Variants in TECPR2 observed in about 807,000 individuals in gnomAD.
TECPR2 encodes tectonin beta-propeller repeat-containing protein 2.
A neutral mutation model predicts 138.1 loss-of-function variants in TECPR2; 65 were observed. That is an observed-to-expected ratio of 0.47 (90% confidence interval 0.39 to 0.58). The LOEUF (loss-of-function observed/expected upper bound fraction) is 0.58, where lower values mean the gene tolerates loss of function less well. Ranked by LOEUF, TECPR2 falls within the 20% of genes least tolerant of loss-of-function variation. The pLI is 0.00. For missense variants in TECPR2, 1,553 were observed against 1,824.5 expected (o/e 0.85, Z 2.71); for synonymous variants, 746 against 749.8 (o/e 0.99, Z 0.08).
intron 1 of TECPR2, among the ~76,000 whole-genome samples, chr14:102,370,962 GGT>G (rs1473124841): frequency 6.6e-6 from 1 of 152,190 alleles, no homozygotes; most frequent in Admixed American, 6.5e-5. Flanking sequence ...ATACAAGATA[GGT>G]AAGTGTCTTT....
At position 102,381,552 on chromosome 14, in the gene TECPR2, C is replaced by T. The variant is rs28691003; in HGVS notation, c.219+4612C>T. On this transcript the variant is annotated intron_variant, in intron 2 of 19. Coordinates refer to ENST00000359520, the MANE Select transcript of TECPR2 (RefSeq NM_014844.5). ...TCGTGCCAGTGCACTCCAGCCTAGG[C>T]GACAGAGTGAGACTCCATCTGAAAA... Among the ~76,000 whole-genome samples, 912 of 152,172 alleles carry T rather than the reference C, an allele frequency of 6.0e-3. 10 individuals are homozygous for T. Among genetic ancestry groups the T allele is most frequent in the African/African-American group, 0.021 (861 of 41,518 alleles).
intron 13 of TECPR2, among the ~76,000 whole-genome samples, chr14:102,447,896 G>T: frequency 6.6e-6 from 1 of 152,098 alleles, no homozygotes. Flanking sequence ...CCTCAGACTT[G>T]CTTTGTTGAA....
chr14:102,392,732 T>C (rs1888210298), intron 2 of TECPR2, among the ~76,000 whole-genome samples: 1 of 152,140 alleles, frequency 6.6e-6, no homozygotes, highest in African/African-American at 2.4e-5. Context: ...ATGAGAACCC[T>C]GGGGGACCTG....
Position 102,362,979 on chromosome 14 carries a change from C to T in TECPR2, c.-210C>T. ...CCGCTCTAGCCCCCGGCGGAGCCAG[C>T]TGCTGCTCTTCGGTGCTGGCCCCGG... On this transcript the variant is annotated 5_prime_UTR_variant, in exon 1 of 20. Transcript: ENST00000359520. 8 of 1,293,386 alleles carry T rather than the reference C, an allele frequency of 6.2e-6. No homozygotes were observed. In the South Asian group the frequency reaches 7.7e-5, roughly 12 times the overall value. 80.1% of individuals were successfully genotyped at this position (1,293,386 alleles called of 1,614,324 possible). A position where few individuals can be genotyped will look rare whatever the true frequency, so the allele number is the denominator to read the frequency against.
chr14:102,402,452 T>A (rs1888518870), intron 2 of TECPR2, among the ~76,000 whole-genome samples: 2 of 151,358 alleles, frequency 1.3e-5, no homozygotes, highest in African/African-American at 4.9e-5. Flanking sequence ...AAGAAAAATC[T>A]CAAATCAACA....
At chr14:102,483,775 G>A (rs1038647233) in intron 17 of TECPR2, among the ~76,000 whole-genome samples, 1 of 142,034 alleles carries the variant, frequency 7.0e-6, no homozygotes, top group Non-Finnish European at 1.5e-5. Context: ...CTGGCTGAAG[G>A]CCTCCTTTTC....
chr14:102,497,597 G>C lies in TECPR2; in HGVS notation c.3959G>C (p.Ser1320Thr). Residue 1320 changes from serine (S) to threonine (T), a missense_variant, in exon 19 of 20, where the codon AGC (serine) becomes ACC (threonine). Ser to Thr is a moderately conservative substitution (Grantham distance 58). Transcript: ENST00000359520. ...PGLQACQLAL[S>T]TRTVWARCPN... ...TTGCAGGCCTGCCAGCTGGCGCTGA[G>C]CACCAGGACCGTGTGGGCCCGCTGT... The C allele has an allele frequency of 6.2e-7, 1 of 1,607,420 alleles. No individual in the cohort carries two copies. Among genetic ancestry groups the C allele is most frequent in the Non-Finnish European group, 8.5e-7 (1 of 1,177,202 alleles).
chr14:102,496,862 G>A (rs2088897925), intron 17 of TECPR2, 117 bp from the exon 18 acceptor site: 3 of 1,484,360 alleles, frequency 2.0e-6, no homozygotes, highest in African/African-American at 1.4e-5. Context: ...TGCCTCCTGC[G>A]GGGCCCACAC....
intron 19 of TECPR2, 85 bp from the exon 20 acceptor site, chr14:102,498,018 C>CCAGCGCCCAAGCTCCCAGCTCCAT: frequency 3.6e-6 from 3 of 824,190 alleles, no homozygotes; most frequent in Non-Finnish European, 5.4e-6. Flanking sequence ...CAAGCCCAGA[C>CCAGCGCCCAAGCTCCCAGCTCCAT]CTGCGCCCAA....
At position 102,450,545 on chromosome 14, in the gene TECPR2, A is replaced by G. The variant is rs1890110985; in HGVS notation, c.3317-15A>G. ...TTTCTTTCTTTAACACATTCTTCCT[A>G]TTTACTCTTTCCAGGCACCTACTGG... On this transcript the variant is annotated splice_polypyrimidine_tract_variant and intron_variant, in intron 14 of 19. Transcript: ENST00000359520. 1 of 1,613,268 alleles carries G rather than the reference A, an allele frequency of 6.2e-7. No homozygotes were observed. The highest frequency in any genetic ancestry group is 8.5e-7 in the Non-Finnish European group (1 of 1,179,344).
Position 102,434,739 on chromosome 14 carries a change from AAG to A in TECPR2, c.1923_1924del (p.Glu641AspfsTer20). ...ATTGGCCCCCAAAGCACTTTTTGTG[AAG>A]TCCCCCTCCTGAACTCACTCACTGT... On this transcript the variant is annotated frameshift_variant, in exon 9 of 20. Transcript: ENST00000359520. LOFTEE classifies it high-confidence loss of function. 6.2e-7 allele frequency: 1 copy of A among 1,613,656 alleles called. No homozygotes were observed. The highest frequency in any genetic ancestry group is 1.6e-4 in the Middle Eastern group (1 of 6,062).
chr14:102,496,081 C>T (rs1360132361), intron 17 of TECPR2, among the ~76,000 whole-genome samples: 2 of 152,230 alleles, frequency 1.3e-5, no homozygotes, highest in East Asian at 3.8e-4. Context: ...GTGGCGGCAG[C>T]GAGGGATCTG....
At chr14:102,394,323 C>T (rs1597781186) in intron 2 of TECPR2, among the ~76,000 whole-genome samples, 3 of 152,024 alleles carry the variant, frequency 2.0e-5, no homozygotes, top group African/African-American at 7.2e-5. Context: ...AGACAAATTA[C>T]TACCAGGCAC....
chr14:102,377,908 G>A (rs999754408), intron 2 of TECPR2, among the ~76,000 whole-genome samples: 2 of 152,182 alleles, frequency 1.3e-5, no homozygotes, highest in Non-Finnish European at 2.9e-5. Context: ...GCCAGAATAT[G>A]CACCTCTTAG....
intron 16 of TECPR2, among the ~76,000 whole-genome samples, chr14:102,458,964 C>CATAT (rs1162146439): frequency 3.8e-5 from 3 of 79,276 alleles, no homozygotes; most frequent in Admixed American, 2.5e-4. Flanking sequence ...AAAAAATACA[C>CATAT]ACATATATAT....
chr14:102,366,713 A>G (rs1887356226), intron 1 of TECPR2, among the ~76,000 whole-genome samples: 1 of 152,228 alleles, frequency 6.6e-6, no homozygotes, highest in Admixed American at 6.5e-5. Context: ...ATCTTTACTG[A>G]GCATCTACTC....
intron 17 of TECPR2, among the ~76,000 whole-genome samples, chr14:102,488,960 C>T (rs544208950): frequency 1.3e-5 from 2 of 151,890 alleles, no homozygotes; most frequent in Non-Finnish European, 2.9e-5. Context: ...GGGCTCACTG[C>T]AACCTCTGCC....
intron 17 of TECPR2, among the ~76,000 whole-genome samples, chr14:102,477,717 AT>A (rs35417768): frequency 1.8e-3 from 207 of 117,178 alleles, no homozygotes; most frequent in Non-Finnish European, 2.3e-3. Flanking sequence ...TGCCCGGCAA[AT>A]TTTTTTTTTT....
intron 2 of TECPR2, among the ~76,000 whole-genome samples, chr14:102,378,550 G>C (rs951073650): frequency 2.6e-5 from 4 of 152,110 alleles, no homozygotes; most frequent in Non-Finnish European, 5.9e-5. Context: ...TAGGTGACTT[G>C]CCTGAGGTTG....
Sources: gnomAD v4.1 joint callset for allele counts (sites outside exome capture counted in the v4.1 genomes callset) on GRCh38, gnomAD v4.1.1 for gene constraint, MANE v1.5 for transcripts, NCBI Gene and HGNC (gene_info 2026-07-23, HGNC 2026-07-21) for gene names.